Variants in MYBPC1 observed in about 807,000 individuals in gnomAD.
The protein encoded by MYBPC1 is myosin-binding protein C, slow-type.
In MYBPC1, 52 loss-of-function variants were observed where a neutral mutation model predicts 147.1. That is an observed-to-expected ratio of 0.35 (90% CI 0.28 to 0.45). The LOEUF is 0.45. Ranked by LOEUF, MYBPC1 falls within the 20% of genes least tolerant of loss-of-function variation. The pLI is 1.00. For missense variants in MYBPC1, 1,228 were observed against 1,440.3 expected, an observed-to-expected ratio of 0.85 and a Z score of 2.39; for synonymous variants, 477 against 475.9, an observed-to-expected ratio of 1.00 and a Z score of -0.03.
At chr12:101,650,255 T>C (rs916818248) in intron 15 of MYBPC1, among the ~76,000 whole-genome samples, 3 of 152,220 alleles carry the variant, frequency 2.0e-5, no homozygotes, top group East Asian at 3.9e-4. Context: ...GTAAAAACCA[T>C]AGGGTTTGTA....
Position 101,648,986 on chromosome 12 carries a change from G to T in MYBPC1, c.1197-274G>T, listed in dbSNP as rs1187292511. ...ATGTGCTTCAAGAGCCTACATGGGG[G>T]TAATATCCACTCTTAGCAGTTGCAC... On this transcript the variant is annotated intron_variant, in intron 14 of 31. Coordinates refer to ENST00000361466, the MANE Select transcript of MYBPC1 (RefSeq NM_002465.4). 5.3e-5 allele frequency among the ~76,000 whole-genome samples: 8 copies of T among 152,292 alleles called. No individual in the cohort carries two copies. The East Asian group carries it at 1.3e-3, about 26-fold the overall frequency.
At chr12:101,685,509 CAAG>C in intron 31 of MYBPC1, 70 bp from the exon 32 acceptor site, 1 of 1,022,604 alleles carries the variant, frequency 9.8e-7, no homozygotes, top group Non-Finnish European at 1.5e-6. Flanking sequence ...GGCAGCTAGT[CAAG>C]AAGTATTGTT....
At chr12:101,669,584 T>C (rs1029675914) in intron 23 of MYBPC1, among the ~76,000 whole-genome samples, 5 of 152,126 alleles carry the variant, frequency 3.3e-5, no homozygotes. Context: ...TCCCAGCTAA[T>C]GTGGTGCCTA....
At chr12:101,603,543 G>C (rs1177142011) in intron 1 of MYBPC1, among the ~76,000 whole-genome samples, 1 of 152,216 alleles carries the variant, frequency 6.6e-6, no homozygotes, top group African/African-American at 2.4e-5. Context: ...CTGGCGTCAG[G>C]ACTCTTCTTC....
chr12:101,625,362 C>A lies in MYBPC1; in HGVS notation c.104-1510C>A, dbSNP rs146822755. ...TAGAGTTCAGTTGGTTTTATTCTAACTGGACTGCACTTGTTTTCATAGTGG... is the reference window on the plus strand; with the variant it reads ...TAGAGTTCAGTTGGTTTTATTCTAAATGGACTGCACTTGTTTTCATAGTGG... On this transcript the variant is annotated intron_variant, in intron 3 of 31. Coordinates refer to ENST00000361466, the MANE Select transcript of MYBPC1 (RefSeq NM_002465.4). 7.9e-3 allele frequency among the ~76,000 whole-genome samples: 1,196 copies of A among 152,286 alleles called. 7 individuals are homozygous for A. Among genetic ancestry groups the A allele is most frequent in the Admixed American group, 0.014 (211 of 15,302 alleles).
At chr12:101,668,685 G>A (rs1594017168) in intron 23 of MYBPC1, among the ~76,000 whole-genome samples, 3 of 151,966 alleles carry the variant, frequency 2.0e-5, no homozygotes, top group South Asian at 4.2e-4. Context: ...GGCTGGTCTC[G>A]AACTCCTGAC....
At chr12:101,665,718 G>A (rs1897307935) in intron 22 of MYBPC1, among the ~76,000 whole-genome samples, 1 of 152,028 alleles carries the variant, frequency 6.6e-6, no homozygotes, top group Non-Finnish European at 1.5e-5. Flanking sequence ...GTTTCGTCCT[G>A]TTTTCTCTTG....
chr12:101,619,569 T>C (rs1886919800), intron 3 of MYBPC1, among the ~76,000 whole-genome samples: 1 of 152,188 alleles, frequency 6.6e-6, no homozygotes, highest in Non-Finnish European at 1.5e-5. Flanking sequence ...TCTGGATAGA[T>C]TTTTATTTCC....
chr12:101,625,838 C>T (rs1314721816), intron 3 of MYBPC1, among the ~76,000 whole-genome samples: 1 of 152,054 alleles, frequency 6.6e-6, no homozygotes, highest in Non-Finnish European at 1.5e-5. Context: ...GTAATCCCAG[C>T]ACTTTGGGAG....
chr12:101,638,037 G>A (rs1891341847), intron 10 of MYBPC1, among the ~76,000 whole-genome samples: 2 of 152,162 alleles, frequency 1.3e-5, no homozygotes, highest in African/African-American at 2.4e-5. Flanking sequence ...CTTATCCCAA[G>A]TCACACAGGA....
At chr12:101,616,924 C>G (rs1886228052) in intron 2 of MYBPC1, among the ~76,000 whole-genome samples, 1 of 152,102 alleles carries the variant, frequency 6.6e-6, no homozygotes, top group Non-Finnish European at 1.5e-5. Context: ...TAACATGATC[C>G]AAGTATAGTT....
At chr12:101,624,600 G>A (rs532868717) in intron 3 of MYBPC1, among the ~76,000 whole-genome samples, 2 of 139,162 alleles carry the variant, frequency 1.4e-5, no homozygotes, top group South Asian at 4.9e-4. Flanking sequence ...TAACTCTCTA[G>A]CCTCAGCCTC....
chr12:101,667,908 C>G lies in MYBPC1; in HGVS notation c.2524+9C>G, dbSNP rs763575079. ...CGTGAAGGAAATCATAGGTAGGAGA[C>G]AAGGCTTTCAAAAGTTAGACTCCAT... On this transcript the variant is annotated intron_variant, in intron 23 of 31. Transcript: ENST00000361466. 1 of 1,613,074 alleles carries G rather than the reference C, an allele frequency of 6.2e-7. No homozygotes were observed. The highest frequency in any genetic ancestry group is 2.2e-5 in the East Asian group (1 of 44,858).
intron 22 of MYBPC1, among the ~76,000 whole-genome samples, chr12:101,663,816 G>A (rs1593985401): frequency 6.6e-6 from 1 of 152,346 alleles, no homozygotes; most frequent in East Asian, 1.9e-4. Flanking sequence ...GGGAGGAAGA[G>A]ATTGTAACAA....
At chr12:101,599,803 G>A (rs765524939) in intron 1 of MYBPC1, among the ~76,000 whole-genome samples, 22 of 152,130 alleles carry the variant, frequency 1.4e-4, no homozygotes, top group African/African-American at 4.6e-4. Context: ...TTGTATGAAC[G>A]AATGCCATCA....
At chr12:101,608,146 C>T (rs1433957970) in intron 1 of MYBPC1, among the ~76,000 whole-genome samples, 1 of 152,146 alleles carries the variant, frequency 6.6e-6, no homozygotes, top group Non-Finnish European at 1.5e-5. Context: ...TAGATCTACC[C>T]CTTTGAAAGC....
At chr12:101,667,626 A>G (rs1897730410) in intron 22 of MYBPC1, 106 bp from the exon 23 acceptor site, 1 of 1,283,316 alleles carries the variant, frequency 7.8e-7, no homozygotes, top group Non-Finnish European at 1.1e-6. Context: ...TAAATGATGT[A>G]TTATTATGAG....
rs192958869 is a variant in MYBPC1, at chr12:101,677,493, G to A, written c.3109+99G>A. The stretch of plus-strand genomic sequence containing the variant: ...TGTGGTGAAAGGGAACAAAAAAATG[G>A]TAAATGTACATTGTAAAATTATGAT... On this transcript the variant is annotated intron_variant, in intron 27 of 31. Transcript: ENST00000361466. 204 of 1,392,340 alleles carry A rather than the reference G, an allele frequency of 1.5e-4. No homozygotes were observed. The Admixed American group carries it at 2.2e-3, about 15-fold the overall frequency. The allele number at this position is 1,392,340 out of a possible 1,614,324, so 86.2% of individuals were successfully genotyped here.
At chr12:101,617,616 C>T (rs1333996421) in intron 3 of MYBPC1, among the ~76,000 whole-genome samples, 1 of 151,894 alleles carries the variant, frequency 6.6e-6, no homozygotes, top group Non-Finnish European at 1.5e-5. Flanking sequence ...TAAATGTTTT[C>T]ATGTTATTGT....
Sources: allele counts gnomAD v4.1 joint callset (sites outside exome capture counted in the v4.1 genomes callset), GRCh38; gene constraint gnomAD v4.1.1; transcripts MANE v1.5; gene names NCBI Gene and HGNC (gene_info 2026-07-23, HGNC 2026-07-21).